Variants in MMP16 observed in about 807,000 individuals in gnomAD.
MMP16 encodes matrix metalloproteinase-16.
In MMP16, 12 loss-of-function variants were observed where a neutral mutation model predicts 67.8. That is an observed-to-expected ratio of 0.18 (90% CI 0.11 to 0.29). MMP16 has a LOEUF of 0.29. Among genes scored for constraint, MMP16 ranks in the 10% least tolerant of loss-of-function variants. The pLI, the probability that MMP16 is intolerant of heterozygous loss-of-function variation, is 1.00. For synonymous variants in MMP16, 249 were observed against 255.9 expected, an observed-to-expected ratio of 0.97 and a Z score of 0.26; for missense variants, 475 against 765.7, an observed-to-expected ratio of 0.62 and a Z score of 4.48.
intron 3 of MMP16, among the ~76,000 whole-genome samples, chr8:88,180,195 C>T (rs756807050): frequency 2.2e-4 from 33 of 151,782 alleles, no homozygotes; most frequent in African/African-American, 6.1e-4. Context: ...GCAGGAGAAT[C>T]GCTTGAACCT....
At chr8:88,138,728 C>T (rs1259122590) in intron 4 of MMP16, among the ~76,000 whole-genome samples, 1 of 152,062 alleles carries the variant, frequency 6.6e-6, no homozygotes, top group African/African-American at 2.4e-5. Flanking sequence ...TGTAAGCTCA[C>T]CTTTCTTTGG....
At chr8:88,257,561 A>C (rs1810322921) in intron 1 of MMP16, among the ~76,000 whole-genome samples, 1 of 152,200 alleles carries the variant, frequency 6.6e-6, no homozygotes, top group Non-Finnish European at 1.5e-5. Flanking sequence ...TAAGGGACCT[A>C]CCATTTATGG....
chr8:88,266,280 T>C (rs191768221), intron 1 of MMP16, among the ~76,000 whole-genome samples: 11 of 152,326 alleles, frequency 7.2e-5, no homozygotes, highest in African/African-American at 2.6e-4. Flanking sequence ...GTAACTATGT[T>C]TATATCCATC....
intron 5 of MMP16, among the ~76,000 whole-genome samples, chr8:88,118,347 C>A (rs1024239792): frequency 2.6e-5 from 4 of 151,192 alleles, no homozygotes; most frequent in Non-Finnish European, 5.9e-5. Flanking sequence ...TTATGAAAGT[C>A]TTATATTTTT....
At chr8:88,229,360 G>C (rs1809823199) in intron 1 of MMP16, among the ~76,000 whole-genome samples, 2 of 151,930 alleles carry the variant, frequency 1.3e-5, no homozygotes, top group African/African-American at 4.8e-5. Flanking sequence ...GTAAACTAAA[G>C]CATAAACTAA....
At chr8:88,108,722 G>A (rs1395602132) in intron 6 of MMP16, among the ~76,000 whole-genome samples, 1 of 151,304 alleles carries the variant, frequency 6.6e-6, no homozygotes, top group Non-Finnish European at 1.5e-5. Context: ...ATCTTAAAGT[G>A]TAAGGTTTCC....
intron 4 of MMP16, among the ~76,000 whole-genome samples, chr8:88,140,124 T>C (rs1354057029): frequency 6.6e-6 from 1 of 152,136 alleles, no homozygotes; most frequent in East Asian, 1.9e-4. Flanking sequence ...TCTCTAGACT[T>C]GACTGAGGCT....
intron 2 of MMP16, among the ~76,000 whole-genome samples, chr8:88,188,630 G>C (rs1407574309): frequency 6.6e-6 from 1 of 151,912 alleles, no homozygotes; most frequent in Non-Finnish European, 1.5e-5. Flanking sequence ...TCTTTGTCAA[G>C]TGTGTACATC....
At chr8:88,324,876 G>A (rs1026100607) in intron 1 of MMP16, among the ~76,000 whole-genome samples, 13 of 151,992 alleles carry the variant, frequency 8.6e-5, no homozygotes, top group Non-Finnish European at 4.4e-5. Flanking sequence ...AAAAAAGGGG[G>A]GGTATCATTA....
chr8:88,037,750 T>A lies in MMP16; in HGVS notation c.*3711A>T, dbSNP rs545974275. ...TTAATACTTCATTGCATTTGTTTAA[T>A]AATACACAGAACAACAATATTTTAC... On this transcript the variant is annotated 3_prime_UTR_variant, in exon 10 of 10. Transcript: ENST00000286614. 1.3e-5 allele frequency: 2 copies of A among 152,014 alleles called. No homozygotes were observed. Among genetic ancestry groups the A allele is most frequent in the Non-Finnish European group, 2.9e-5 (2 of 67,904 alleles). The allele number at this position is 152,014 out of a possible 1,614,324, so 9.4% of individuals were successfully genotyped here. A position where few individuals can be genotyped will look rare whatever the true frequency, so the allele number is the denominator to read the frequency against.
intron 6 of MMP16, among the ~76,000 whole-genome samples, chr8:88,100,827 G>T (rs1189317851): frequency 6.6e-6 from 1 of 151,978 alleles, no homozygotes; most frequent in Non-Finnish European, 1.5e-5. Context: ...GTCCTTTGTA[G>T]GGACATGGAT....
chr8:88,318,428 T>C (rs1158976268), intron 1 of MMP16, among the ~76,000 whole-genome samples: 1 of 152,206 alleles, frequency 6.6e-6, no homozygotes, highest in Non-Finnish European at 1.5e-5. Flanking sequence ...CAGATAAGAC[T>C]GTCTGCTCAG....
chr8:88,206,408 G>T (rs1214828996), intron 1 of MMP16, among the ~76,000 whole-genome samples: 1 of 152,154 alleles, frequency 6.6e-6, no homozygotes, highest in Non-Finnish European at 1.5e-5. Context: ...ATGTTTGTGT[G>T]AGTTTTCTCT....
At chr8:88,202,121 C>T (rs561188305) in intron 1 of MMP16, among the ~76,000 whole-genome samples, 20 of 152,052 alleles carry the variant, frequency 1.3e-4, no homozygotes, top group Admixed American at 6.6e-4. Flanking sequence ...GATTAGTGTA[C>T]GAAATTGCAC....
chr8:88,237,475 C>T (rs1809960107), intron 1 of MMP16, among the ~76,000 whole-genome samples: 1 of 152,022 alleles, frequency 6.6e-6, no homozygotes, highest in Non-Finnish European at 1.5e-5. Context: ...CAGTGAAACC[C>T]GTCTCTACTA....
chr8:88,298,036 C>T (rs571906121), intron 1 of MMP16, among the ~76,000 whole-genome samples: 1 of 151,786 alleles, frequency 6.6e-6, no homozygotes, highest in Non-Finnish European at 1.5e-5. Context: ...AAAATCTAGG[C>T]CTGTAAAAAA....
chr8:88,285,559 T>C (rs1810816594), intron 1 of MMP16, among the ~76,000 whole-genome samples: 1 of 152,220 alleles, frequency 6.6e-6, no homozygotes, highest in Non-Finnish European at 1.5e-5. Context: ...AAAGATGAGC[T>C]ATTTCTTCTT....
At chr8:88,129,866 T>C (rs1238595039) in intron 4 of MMP16, among the ~76,000 whole-genome samples, 1 of 151,690 alleles carries the variant, frequency 6.6e-6, no homozygotes, top group African/African-American at 2.4e-5. Context: ...TTTAGCATAC[T>C]GTGAACCTTA....
chr8:88,301,313 T>A (rs1811095380), intron 1 of MMP16, among the ~76,000 whole-genome samples: 1 of 152,154 alleles, frequency 6.6e-6, no homozygotes, highest in South Asian at 2.1e-4. Context: ...CTCCATTTTA[T>A]AACTGCATAA....
Sources: allele counts gnomAD v4.1 joint callset (sites outside exome capture counted in the v4.1 genomes callset), GRCh38; gene constraint gnomAD v4.1.1; transcripts MANE v1.5; gene names NCBI Gene and HGNC (gene_info 2026-07-23, HGNC 2026-07-21).